CBL: variants seen among roughly 807,000 people sequenced by gnomAD.
The protein encoded by CBL is E3 ubiquitin-protein ligase CBL.
In CBL, 45 loss-of-function variants were observed where a neutral mutation model predicts 96.9. That is an observed-to-expected ratio of 0.46 (90% CI 0.37 to 0.60). CBL has a LOEUF of 0.60. CBL is among the 20% of genes least tolerant of loss of function. CBL has a pLI of 0.00. For synonymous variants in CBL, 420 were observed against 426.8 expected, an observed-to-expected ratio of 0.98 and a Z score of 0.20; for missense variants, 1,024 against 1,143.5, an observed-to-expected ratio of 0.90 and a Z score of 1.51.
chr11:119,284,105 A>G (rs1349856033), intron 9 of CBL, among the ~76,000 whole-genome samples: 1 of 152,030 alleles, frequency 6.6e-6, no homozygotes, highest in Non-Finnish European at 1.5e-5. Context: ...CCTGGCCTCA[A>G]GCAATCCTCC....
In CBL at chr11:119,270,436, A is replaced by ATTTTTTTT. The variant is rs869150071; in HGVS notation, c.444-1278_444-1271dup. Among the ~76,000 whole-genome samples the ATTTTTTTT allele has an allele frequency of 5.4e-4, 21 of 38,662 alleles. 1 individual carries two copies. The highest frequency in any genetic ancestry group is 7.4e-4 in the Non-Finnish European group (17 of 23,036). The allele number at this position is 38,662 out of a possible 152,430, so 25.4% of individuals were successfully genotyped here. A position where few individuals can be genotyped will look rare whatever the true frequency, so the allele number is the denominator to read the frequency against. On this transcript the variant is annotated intron_variant, in intron 2 of 15. Transcript: ENST00000264033. ...AATTTTTATATATATATATATATAT[A>ATTTTTTTT]TTTTTTTTTTTTTTTTTTTTTTTTT...
chr11:119,219,989 A>C (rs904314208), intron 1 of CBL, among the ~76,000 whole-genome samples: 3 of 151,836 alleles, frequency 2.0e-5, no homozygotes, highest in African/African-American at 7.3e-5. Context: ...AGCTGGGATT[A>C]CAGGTGTGCG....
At chr11:119,293,825 C>T (rs1950045938) in intron 12 of CBL, among the ~76,000 whole-genome samples, 1 of 152,188 alleles carries the variant, frequency 6.6e-6, no homozygotes, top group Admixed American at 6.5e-5. Flanking sequence ...TGAGGGCCTT[C>T]CTGCTGCCTT....
At chr11:119,210,738 G>A (rs1949309970) in intron 1 of CBL, among the ~76,000 whole-genome samples, 1 of 150,540 alleles carries the variant, frequency 6.6e-6, no homozygotes, top group Non-Finnish European at 1.5e-5. Flanking sequence ...ACAGGCATGA[G>A]CCACCGCGCC....
intron 15 of CBL, among the ~76,000 whole-genome samples, 169 bp downstream of exon 15, chr11:119,298,709 C>G (rs542433507): frequency 2.0e-5 from 3 of 152,212 alleles, no homozygotes; most frequent in Non-Finnish European, 4.4e-5. Context: ...TAGTCAGACT[C>G]TTTAGGATTT....
At chr11:119,293,961 CT>C (rs1337202610) in intron 12 of CBL, among the ~76,000 whole-genome samples, 1 of 152,134 alleles carries the variant, frequency 6.6e-6, no homozygotes, top group Non-Finnish European at 1.5e-5. Context: ...TTCAAAACCC[CT>C]AATACAGGGC....
intron 12 of CBL, among the ~76,000 whole-genome samples, chr11:119,294,700 A>G (rs1591268765): frequency 6.6e-6 from 1 of 151,854 alleles, no homozygotes. Context: ...CTGAGGCAGG[A>G]GAATCGCTTG....
In CBL at chr11:119,303,632, C is replaced by A; in HGVS notation, c.*3851C>A. On this transcript the variant is annotated 3_prime_UTR_variant, in exon 16 of 16. Coordinates refer to ENST00000264033, the MANE Select transcript of CBL (RefSeq NM_005188.4). ...ATTCTCCCATTATCCCCTGTTGTCTCCTGTAGCTTTGATAATGCCTGGGAG... is the reference window on the plus strand; with the variant it reads ...ATTCTCCCATTATCCCCTGTTGTCTACTGTAGCTTTGATAATGCCTGGGAG... The A allele has an allele frequency of 4.3e-6, 1 of 233,712 alleles. No individual in the cohort carries two copies. The highest frequency in any genetic ancestry group is 8.5e-6 in the Non-Finnish European group (1 of 118,054). 14.5% of individuals were successfully genotyped at this position (233,712 alleles called of 1,614,324 possible). A position where few individuals can be genotyped will look rare whatever the true frequency, so the allele number is the denominator to read the frequency against.
At chr11:119,209,106 TA>T (rs1949297371) in intron 1 of CBL, among the ~76,000 whole-genome samples, 1 of 152,224 alleles carries the variant, frequency 6.6e-6, no homozygotes, top group African/African-American at 2.4e-5. Context: ...CTGATACGTT[TA>T]TACTGCTTTC....
rs1016417387 is a variant in CBL, at chr11:119,302,294, G to C, written c.*2513G>C. ...CCTGGGTCTGTGCCTGAGATTGCCA[G>C]GCAAGATTAAGGAAAGTTTTCATGT... is the stretch of plus-strand genomic sequence containing the variant. On this transcript the variant is annotated 3_prime_UTR_variant, in exon 16 of 16. Transcript: ENST00000264033. 3 of 232,604 alleles carry C rather than the reference G, an allele frequency of 1.3e-5. No homozygotes were observed. The highest frequency in any genetic ancestry group is 2.2e-5 in the African/African-American group (1 of 45,318). 14.4% of individuals were successfully genotyped at this position (232,604 alleles called of 1,614,324 possible).
intron 2 of CBL, among the ~76,000 whole-genome samples, chr11:119,267,550 C>T (rs1311534560): frequency 1.3e-5 from 2 of 152,154 alleles, no homozygotes; most frequent in South Asian, 2.1e-4. Flanking sequence ...AAGCAACACT[C>T]GATAAGGTCT....
rs776918330 is a variant in CBL, at chr11:119,277,752, T to C, written c.1008-5T>C. On this transcript the variant is annotated splice_region_variant and splice_polypyrimidine_tract_variant and intron_variant, in intron 6 of 15. Coordinates refer to ENST00000264033, the MANE Select transcript of CBL (RefSeq NM_005188.4). ...ATAAAACCCAGGGTTGGTTACTCTTTACAGCTATTTGTTTCCTGATGGACG... is the reference window on the plus strand; with the variant it reads ...ATAAAACCCAGGGTTGGTTACTCTTCACAGCTATTTGTTTCCTGATGGACG... 1.2e-6 allele frequency: 2 copies of C among 1,610,054 alleles called. No homozygotes were observed. The highest frequency in any genetic ancestry group is 1.1e-5 in the South Asian group (1 of 91,000).
Position 119,302,005 on chromosome 11 carries a change from A to G in CBL, c.*2224A>G, listed in dbSNP as rs550910545. The G allele has an allele frequency of 7.1e-4, 165 of 233,116 alleles. No homozygotes were observed. The highest frequency in any genetic ancestry group is 1.3e-3 in the Middle Eastern group (1 of 786). The allele number at this position is 233,116 out of a possible 1,614,324, so 14.4% of individuals were successfully genotyped here. ...CTTTGGAAGACAAAGCATTGGCTATATATCTTTTGCCTTTTCCATGCATCT... is the reference window on the plus strand; with the variant it reads ...CTTTGGAAGACAAAGCATTGGCTATGTATCTTTTGCCTTTTCCATGCATCT... On this transcript the variant is annotated 3_prime_UTR_variant, in exon 16 of 16. Coordinates refer to ENST00000264033, the MANE Select transcript of CBL (RefSeq NM_005188.4).
rs878854755 is a variant in CBL, at chr11:119,206,622, C to A, written c.195+10C>A. On this transcript the variant is annotated intron_variant, in intron 1 of 15. Transcript: ENST00000264033. ...GAAGCTCATGGACAAGGTGAAAGGC[C>A]GGCTGAGCGCCCGCTGTTGCAGGGT... 1.6e-5 allele frequency: 25 copies of A among 1,543,848 alleles called. No homozygotes were observed. Among genetic ancestry groups the A allele is most frequent in the South Asian group, 1.6e-4 (13 of 83,474 alleles).
At position 119,302,449 on chromosome 11, in the gene CBL, A is replaced by G. The variant is rs1435133031; in HGVS notation, c.*2668A>G. ...AAGTCTTTGGCTTTGCTCTGAATTTAATTAAAACTGCCTTTTATGAACAGA... is the reference window on the plus strand; with the variant it reads ...AAGTCTTTGGCTTTGCTCTGAATTTGATTAAAACTGCCTTTTATGAACAGA... On this transcript the variant is annotated 3_prime_UTR_variant, in exon 16 of 16. Transcript: ENST00000264033. 1 of 232,948 alleles carries G rather than the reference A, an allele frequency of 4.3e-6. No individual in the cohort carries two copies. The highest frequency in any genetic ancestry group is 2.2e-5 in the African/African-American group (1 of 45,342). The allele number at this position is 232,948 out of a possible 1,614,324, so 14.4% of individuals were successfully genotyped here. A position where few individuals can be genotyped will look rare whatever the true frequency, so the allele number is the denominator to read the frequency against.
intron 1 of CBL, among the ~76,000 whole-genome samples, chr11:119,227,221 G>A (rs1381202337): frequency 6.6e-6 from 1 of 152,186 alleles, no homozygotes; most frequent in Non-Finnish European, 1.5e-5. Flanking sequence ...GTGTTAAGAT[G>A]ATTTTGCCCA....
chr11:119,261,488 G>C (rs1949753518), intron 2 of CBL, among the ~76,000 whole-genome samples: 1 of 152,130 alleles, frequency 6.6e-6, no homozygotes, highest in Non-Finnish European at 1.5e-5. Flanking sequence ...AGTATAATTT[G>C]TATCTGTATA....
At chr11:119,214,009 G>C (rs143159084) in intron 1 of CBL, among the ~76,000 whole-genome samples, 1 of 152,230 alleles carries the variant, frequency 6.6e-6, no homozygotes, top group East Asian at 1.9e-4. Flanking sequence ...CAGTTGCGTA[G>C]TCTTGGCTCA....
rs1950142468 is a variant in CBL, at chr11:119,306,489, A to G, written c.*6708A>G. 5.0e-6 allele frequency: 2 copies of G among 397,010 alleles called. No individual in the cohort carries two copies. Among genetic ancestry groups the G allele is most frequent in the African/African-American group, 4.1e-5 (2 of 48,298 alleles). The allele number at this position is 397,010 out of a possible 1,614,324, so 24.6% of individuals were successfully genotyped here. A position where few individuals can be genotyped will look rare whatever the true frequency, so the allele number is the denominator to read the frequency against. ...GTATTGCTCAATGCGTGCTATGTGC[A>G]ACTCCTCAGGCCTTGTGCCACCTCC... On this transcript the variant is annotated 3_prime_UTR_variant, in exon 16 of 16. Coordinates refer to ENST00000264033, the MANE Select transcript of CBL (RefSeq NM_005188.4).
Sources: allele counts gnomAD v4.1 joint callset (sites outside exome capture counted in the v4.1 genomes callset), GRCh38; gene constraint gnomAD v4.1.1; transcripts MANE v1.5; gene names NCBI Gene and HGNC (gene_info 2026-07-23, HGNC 2026-07-21).